Variants in NFE2L3 observed in about 807,000 individuals in gnomAD.
The protein encoded by NFE2L3 is nuclear factor erythroid 2-related factor 3.
In NFE2L3, 18 loss-of-function variants were observed where a neutral mutation model predicts 23.5. The observed-to-expected ratio is 0.77, with a 90% CI of 0.53 to 1.13. The LOEUF (loss-of-function observed/expected upper bound fraction) is 1.13, where lower values mean the gene tolerates loss of function less well. Ranked by LOEUF, NFE2L3 falls within the 50% of genes most tolerant of loss-of-function variation. NFE2L3 has a pLI of 0.00. For synonymous variants in NFE2L3, 424 were observed against 354.5 expected, an observed-to-expected ratio of 1.20 and a Z score of -2.20; for missense variants, 1,152 against 877.2, an observed-to-expected ratio of 1.31 and a Z score of -3.96.
chr7:26,178,184 GAC>G, intron 2 of NFE2L3, 62 bp downstream of exon 2: 1 of 1,447,870 alleles, frequency 6.9e-7, no homozygotes, highest in South Asian at 1.3e-5. Context: ...TTGTGGCATT[GAC>G]AGTTTGTGTC....
At position 26,185,515 on chromosome 7, in the gene NFE2L3, TAGAAGATGATGTATGTAACTTGCA is replaced by T. The variant is rs1460647018; in HGVS notation, c.1820_1843del (p.Glu607_Gln614del). 1.9e-6 allele frequency: 3 copies of T among 1,613,846 alleles called. No individual in the cohort carries two copies. Among genetic ancestry groups the T allele is most frequent in the Admixed American group, 3.3e-5 (2 of 59,994 alleles). ...CGCAAATTGGACATAATTTTGAATT[TAGAAGATGATGTATGTAACTTGCA>T]AGCAAAGAAGGAAACTCTTAAGAGA... On this transcript the variant is annotated inframe_deletion, in exon 4 of 4. Transcript: ENST00000056233.
intron 1 of NFE2L3, 39 bp downstream of exon 1, chr7:26,153,107 A>G (rs763037374): frequency 1.4e-5 from 21 of 1,493,494 alleles, no homozygotes; most frequent in South Asian, 1.1e-4. Context: ...TGCGGCGTCT[A>G]CGCCGCCGGG....
rs558922475 is a variant in NFE2L3 at position 26,176,136 on chromosome 7, G to C, written c.571-1807G>C. Among the ~76,000 whole-genome samples, 9 of 150,732 alleles carry C rather than the reference G, an allele frequency of 6.0e-5. No individual in the cohort carries two copies. In the East Asian group the frequency reaches 1.7e-3, roughly 29 times the overall value. Reference sequence around the variant, plus strand: ...CACCGCCCTTAATCCATTTAACCCTGAGTTGACACAGCACATGTTTCAGAG... The same window carrying C: ...CACCGCCCTTAATCCATTTAACCCTCAGTTGACACAGCACATGTTTCAGAG... On this transcript the variant is annotated intron_variant, in intron 1 of 3. Transcript: ENST00000056233.
Position 26,178,029 on chromosome 7 carries a change from G to A in NFE2L3, c.657G>A (p.Lys219=), listed in dbSNP as rs1256826838. ...ATGAAGAAAGGGTGTCAGCCCAGAA[G>A]GAGAACTCACTTCAGCAGAATGATG... ...EENEERVSAQ[K]ENSLQQNDDD... The change falls in exon 2 of 4, where the codon AAG becomes AAA. Residue 219 remains lysine (K), a synonymous_variant. Coordinates refer to ENST00000056233, the MANE Select transcript of NFE2L3 (RefSeq NM_004289.7). 5 of 1,614,128 alleles carry A rather than the reference G, an allele frequency of 3.1e-6. No individual in the cohort carries two copies. The highest frequency in any genetic ancestry group is 4.2e-6 in the Non-Finnish European group (5 of 1,180,010).
chr7:26,159,949 CTT>C (rs59484170), intron 1 of NFE2L3, among the ~76,000 whole-genome samples: 61 of 118,432 alleles, frequency 5.2e-4, no homozygotes, highest in African/African-American at 2.0e-3. Context: ...AATCTTGTTG[CTT>C]TTTTTTTTTT....
chr7:26,183,801 C>G lies in NFE2L3; in HGVS notation c.834+17C>G. 6.4e-7 allele frequency: 1 copy of G among 1,555,702 alleles called. No homozygotes were observed. ...TCACTGGAGGTAATTGGAACTTTGG[C>G]TTTTATCCTCGCAGGAACATATCTG... On this transcript the variant is annotated intron_variant, in intron 3 of 3. Coordinates refer to ENST00000056233, the MANE Select transcript of NFE2L3 (RefSeq NM_004289.7).
At position 26,184,915 on chromosome 7, in the gene NFE2L3, T is replaced by C; in HGVS notation, c.1217T>C (p.Ile406Thr). 2 of 1,613,952 alleles carry C rather than the reference T, an allele frequency of 1.2e-6. No homozygotes were observed. Among genetic ancestry groups the C allele is most frequent in the Non-Finnish European group, 1.7e-6 (2 of 1,179,850 alleles). ...SLATEDNFDP[I>T]DVSQLFDEPD... is the part of the protein sequence containing the mutation. ...GCCACAGAAGACAACTTTGATCCAA[T>C]CGATGTTTCTCAGCTTTTTGATGAA... is the stretch of plus-strand genomic sequence containing the variant. The change falls in exon 4 of 4, where the codon ATC becomes ACC. Residue 406 changes from isoleucine to threonine, a missense_variant. Physicochemically the swap from Ile to Thr is moderately conservative, Grantham distance 89 (BLOSUM62 -1). Coordinates refer to ENST00000056233, the MANE Select transcript of NFE2L3 (RefSeq NM_004289.7).
At chr7:26,168,748 T>C (rs1411750370) in intron 1 of NFE2L3, among the ~76,000 whole-genome samples, 1 of 152,158 alleles carries the variant, frequency 6.6e-6, no homozygotes, top group Admixed American at 6.5e-5. Flanking sequence ...AGTAGTGGGA[T>C]TGCTGGATCA....
chr7:26,175,268 G>A (rs11971402), intron 1 of NFE2L3, among the ~76,000 whole-genome samples: 5,513 of 152,178 alleles, frequency 0.036, 109 homozygotes, highest in African/African-American at 0.05. Flanking sequence ...GCTGAGGCAG[G>A]AGAATGGTGT....
At position 26,157,481 on chromosome 7, in the gene NFE2L3, G is replaced by C. The variant is rs562368121; in HGVS notation, c.570+4413G>C. ...CTAAGAGTAAAGGAAAGAGAAAGAA[G>C]GTCCTTGATTGTTAAAGTAAAAATT... On this transcript the variant is annotated intron_variant, in intron 1 of 3. Transcript: ENST00000056233. 2.6e-5 allele frequency among the ~76,000 whole-genome samples: 4 copies of C among 152,154 alleles called. No homozygotes were observed. The East Asian group carries it at 7.7e-4, about 29-fold the overall frequency.
At chr7:26,167,868 T>C (rs1221562928) in intron 1 of NFE2L3, among the ~76,000 whole-genome samples, 2 of 152,230 alleles carry the variant, frequency 1.3e-5, no homozygotes, top group African/African-American at 4.8e-5. Flanking sequence ...GTAATTCATG[T>C]TTATATAGCA....
Position 26,176,067 on chromosome 7 carries a change from T to C in NFE2L3, c.571-1876T>C, listed in dbSNP as rs550297352. 1.8e-3 allele frequency among the ~76,000 whole-genome samples: 277 copies of C among 151,790 alleles called. 5 individuals are homozygous for C. The highest frequency in any genetic ancestry group is 7.8e-3 in the Admixed American group (119 of 15,234). ...ATTAGGGAGTGGTGATGACTCTTAA[T>C]GAGCATGCTGCCTTCAAGCATCTGT... On this transcript the variant is annotated intron_variant, in intron 1 of 3. Coordinates refer to ENST00000056233, the MANE Select transcript of NFE2L3 (RefSeq NM_004289.7).
chr7:26,184,563 G>A lies in NFE2L3; in HGVS notation c.865G>A (p.Gly289Ser). Residue 289 changes from glycine to serine, a missense_variant, in exon 4 of 4, where the codon GGC becomes AGC. Gly to Ser is a moderately conservative substitution (Grantham distance 56). Coordinates refer to ENST00000056233, the MANE Select transcript of NFE2L3 (RefSeq NM_004289.7). ...CTCATTGGGAGATATTCCTCTTCCA[G>A]GCAGTATCAGTGATGGCATGAATTC... The part of the protein sequence containing the change: ...GISLGDIPLP[G>S]SISDGMNSSA... 10 of 1,613,300 alleles carry A rather than the reference G, an allele frequency of 6.2e-6. No individual in the cohort carries two copies. The highest frequency in any genetic ancestry group is 8.5e-6 in the Non-Finnish European group (10 of 1,179,442).
rs374216383 is a variant in NFE2L3, at chr7:26,184,599, T to C, written c.901T>C (p.Tyr301His). ...TGATGGCATGAATTCTTCAGCACAT[T>C]ATCATGTAAACTTCAGCCAGGCTAT... ...ISDGMNSSAH[Y>H]HVNFSQAISQ... Residue 301 changes from tyrosine (Y) to histidine (H), a missense_variant, in exon 4 of 4, where the codon TAT (tyrosine) becomes CAT (histidine). Transcript: ENST00000056233. 6.2e-7 allele frequency: 1 copy of C among 1,613,884 alleles called. No homozygotes were observed. Among genetic ancestry groups the C allele is most frequent in the Non-Finnish European group, 8.5e-7 (1 of 1,179,776 alleles).
At position 26,156,239 on chromosome 7, in the gene NFE2L3, C is replaced by T. The variant is rs146765862; in HGVS notation, c.570+3171C>T. Reference sequence around the variant, plus strand: ...TAAAAAGTTCATTCCATGTAAAGGGCTTAGAACTTGCCTGTCACTTAAGTG... The same window carrying T: ...TAAAAAGTTCATTCCATGTAAAGGGTTTAGAACTTGCCTGTCACTTAAGTG... On this transcript the variant is annotated intron_variant, in intron 1 of 3. Transcript: ENST00000056233. 5.2e-3 allele frequency among the ~76,000 whole-genome samples: 786 copies of T among 152,270 alleles called. 8 individuals carry two copies. The highest frequency in any genetic ancestry group is 0.018 in the African/African-American group (731 of 41,546).
At chr7:26,163,378 CTCTTGTT>C (rs1784200995) in intron 1 of NFE2L3, among the ~76,000 whole-genome samples, 1 of 152,044 alleles carries the variant, frequency 6.6e-6, no homozygotes, top group Non-Finnish European at 1.5e-5. Flanking sequence ...CGGAGATTTG[CTCTTGTT>C]GCCCAGGCTG....
In NFE2L3 at chr7:26,183,777, CACTGGAGGTA is replaced by C; in HGVS notation, c.829_834+4del. 6.2e-7 allele frequency: 1 copy of C among 1,610,028 alleles called. No individual in the cohort carries two copies. The highest frequency in any genetic ancestry group is 8.5e-7 in the Non-Finnish European group (1 of 1,176,218). The stretch of plus-strand genomic sequence containing the variant: ...TTGCTTTCATCACAGCCTGAAAATT[CACTGGAGGTA>C]ATTGGAACTTTGGCTTTTATCCTCG... On this transcript the variant is annotated splice_donor_variant and splice_donor_region_variant and coding_sequence_variant and intron_variant, in exon 3 of 4. Transcript: ENST00000056233. LOFTEE classifies it high-confidence loss of function.
intron 1 of NFE2L3, among the ~76,000 whole-genome samples, chr7:26,177,103 TCA>T (rs1202674081): frequency 1.6e-5 from 2 of 124,416 alleles, no homozygotes; most frequent in African/African-American, 6.2e-5. Context: ...GAGGCGCTCC[TCA>T]CATCCCAGAC....
In NFE2L3 at chr7:26,184,675, C is replaced by A. The variant is rs773642955; in HGVS notation, c.977C>A (p.Thr326Lys). ...GCCATCTTGCTTTGTCCCAACAATA[C>A]ATTTAGAAGAGATCCAACAGCAAGG... ...HEAILLCPNN[T>K]FRRDPTARTS... Residue 326 changes from threonine to lysine, a missense_variant, in exon 4 of 4, where the codon ACA (threonine) becomes AAA (lysine). By Grantham distance (78) the Thr-to-Lys change is moderately conservative. Coordinates refer to ENST00000056233, the MANE Select transcript of NFE2L3 (RefSeq NM_004289.7). 9 of 1,613,766 alleles carry A rather than the reference C, an allele frequency of 5.6e-6. No individual in the cohort carries two copies. Among genetic ancestry groups the A allele is most frequent in the African/African-American group, 1.3e-5 (1 of 74,898 alleles).
Sources: allele counts gnomAD v4.1 joint callset (sites outside exome capture counted in the v4.1 genomes callset), GRCh38; gene constraint gnomAD v4.1.1; transcripts MANE v1.5; gene names NCBI Gene and HGNC (gene_info 2026-07-23, HGNC 2026-07-21).